Variants in ADAMTSL1 observed in about 807,000 individuals in gnomAD.
The protein encoded by ADAMTSL1 is ADAMTS like 1.
Under a neutral mutation model 201.8 loss-of-function variants are expected in ADAMTSL1, and 126 were observed. The ratio of observed to expected loss-of-function variants is 0.62; its 90% CI spans 0.54 to 0.72. The LOEUF (loss-of-function observed/expected upper bound fraction) is 0.72. Among genes scored for constraint, ADAMTSL1 ranks in the 30% least tolerant of loss-of-function variants. The pLI, the probability that ADAMTSL1 is intolerant of heterozygous loss-of-function variation, is 0.00. For missense variants in ADAMTSL1, 2,679 were observed against 2,277.8 expected, an observed-to-expected ratio of 1.18 and a Z score of -3.59; for synonymous variants, 1,121 against 903.4, an observed-to-expected ratio of 1.24 and a Z score of -4.32.
At chr9:18,027,052 A>G (rs1820727864) in intron 1 of ADAMTSL1, among the ~76,000 whole-genome samples, 2 of 149,202 alleles carry the variant, frequency 1.3e-5, no homozygotes, top group Non-Finnish European at 3.0e-5. Flanking sequence ...ATTGGTTGTG[A>G]TATCACCTTT....
intron 4 of ADAMTSL1, 147 bp downstream of exon 4, chr9:18,574,413 A>G: frequency 1.3e-6 from 1 of 798,834 alleles, no homozygotes; most frequent in Admixed American, 2.1e-5. Flanking sequence ...TTAAGGTATG[A>G]TTTCAGTGAA....
chr9:18,228,075 G>A (rs1482886553), intron 2 of ADAMTSL1, among the ~76,000 whole-genome samples: 2 of 152,142 alleles, frequency 1.3e-5, no homozygotes, highest in Non-Finnish European at 2.9e-5. Flanking sequence ...CAATAGCCAC[G>A]TTCCACCTAA....
intron 16 of ADAMTSL1, among the ~76,000 whole-genome samples, chr9:18,756,076 AATATATATAT>A (rs55717414): frequency 0.081 from 6,487 of 80,374 alleles, 572 homozygotes; most frequent in Non-Finnish European, 0.12. Context: ...CTCTACTGAA[AATATATATAT>A]ATATATATAT....
intron 4 of ADAMTSL1, among the ~76,000 whole-genome samples, chr9:18,585,877 T>C (rs1319945195): frequency 6.6e-6 from 1 of 152,114 alleles, no homozygotes; most frequent in Non-Finnish European, 1.5e-5. Context: ...AAATACTTTT[T>C]ATAAAATTCA....
chr9:18,589,966 C>T (rs1823801465), intron 4 of ADAMTSL1, among the ~76,000 whole-genome samples: 1 of 152,148 alleles, frequency 6.6e-6, no homozygotes, highest in Admixed American at 6.5e-5. Flanking sequence ...ATTCTGTTTG[C>T]TAGTATTTTG....
chr9:18,446,245 A>C (rs1407907599), intron 2 of ADAMTSL1, among the ~76,000 whole-genome samples: 2 of 152,222 alleles, frequency 1.3e-5, no homozygotes, highest in Non-Finnish European at 2.9e-5. Flanking sequence ...GCTTAAGTCT[A>C]AGATGAAAAC....
chr9:18,175,936 C>G (rs1413353288), intron 2 of ADAMTSL1, among the ~76,000 whole-genome samples: 6 of 137,444 alleles, frequency 4.4e-5, no homozygotes, highest in Admixed American at 1.6e-4. Flanking sequence ...TAGTCCAAGT[C>G]TGGGAAAAGA....
At chr9:17,941,592 A>G (rs1282524861) in intron 1 of ADAMTSL1, among the ~76,000 whole-genome samples, 1 of 152,098 alleles carries the variant, frequency 6.6e-6, no homozygotes, top group East Asian at 1.9e-4. Context: ...CCTACTATCA[A>G]ATGTCTGTCA....
intron 2 of ADAMTSL1, among the ~76,000 whole-genome samples, chr9:18,181,929 C>T (rs1344716778): frequency 1.3e-5 from 2 of 152,196 alleles, no homozygotes; most frequent in East Asian, 1.9e-4. Flanking sequence ...AAATGTGGCA[C>T]ATATACACCA....
At chr9:18,373,533 A>G (rs1267052862) in intron 2 of ADAMTSL1, among the ~76,000 whole-genome samples, 1 of 152,034 alleles carries the variant, frequency 6.6e-6, no homozygotes, top group East Asian at 1.9e-4. Context: ...TAGGAGTCAT[A>G]AATTTGCAAA....
intron 1 of ADAMTSL1, among the ~76,000 whole-genome samples, chr9:18,070,777 A>G (rs1430805954): frequency 1.3e-5 from 2 of 152,122 alleles, no homozygotes; most frequent in East Asian, 3.9e-4. Flanking sequence ...AGAGAGGAGG[A>G]TGGGATGGTG....
chr9:18,364,548 A>C (rs754385507), intron 2 of ADAMTSL1, among the ~76,000 whole-genome samples: 2 of 152,210 alleles, frequency 1.3e-5, no homozygotes, highest in Non-Finnish European at 2.9e-5. Context: ...AGCCTTCATG[A>C]GGTCCAATCA....
At chr9:18,427,757 C>T (rs191397020) in intron 2 of ADAMTSL1, among the ~76,000 whole-genome samples, 1 of 152,360 alleles carries the variant, frequency 6.6e-6, no homozygotes, top group African/African-American at 2.4e-5. Flanking sequence ...CTAAACCTTT[C>T]AATTAGCTAA....
intron 1 of ADAMTSL1, among the ~76,000 whole-genome samples, chr9:18,484,043 A>T (rs904701289): frequency 2.0e-5 from 3 of 152,164 alleles, no homozygotes; most frequent in Admixed American, 6.5e-5. Context: ...TTCATATGGG[A>T]TCTTGCATGT....
chr9:18,220,291 G>T (rs1050792884), intron 2 of ADAMTSL1, among the ~76,000 whole-genome samples: 4 of 152,088 alleles, frequency 2.6e-5, no homozygotes, highest in African/African-American at 9.7e-5. Context: ...ATGTTTTTAA[G>T]TACAGGAGGG....
At chr9:18,220,851 T>G (rs1830231552) in intron 2 of ADAMTSL1, among the ~76,000 whole-genome samples, 1 of 152,034 alleles carries the variant, frequency 6.6e-6, no homozygotes, top group Non-Finnish European at 1.5e-5. Context: ...CTAGGCTCAC[T>G]GCAACCTCGG....
intron 2 of ADAMTSL1, among the ~76,000 whole-genome samples, chr9:18,279,138 A>G (rs1480484264): frequency 6.6e-6 from 1 of 152,108 alleles, no homozygotes; most frequent in East Asian, 1.9e-4. Flanking sequence ...TAGGATGTTT[A>G]CAGTTGTCCC....
At chr9:18,316,586 T>C (rs1834403763) in intron 2 of ADAMTSL1, among the ~76,000 whole-genome samples, 1 of 152,142 alleles carries the variant, frequency 6.6e-6, no homozygotes, top group Admixed American at 6.5e-5. Context: ...GAGTTTAAGG[T>C]TATCTCTCTT....
At chr9:18,270,084 C>A (rs1376545766) in intron 2 of ADAMTSL1, among the ~76,000 whole-genome samples, 1 of 152,022 alleles carries the variant, frequency 6.6e-6, no homozygotes, top group African/African-American at 2.4e-5. Context: ...GATTGGGGAG[C>A]TTCTAAATAA....
Sources: gnomAD v4.1 joint callset for allele counts (sites outside exome capture counted in the v4.1 genomes callset) on GRCh38, gnomAD v4.1.1 for gene constraint, MANE v1.5 for transcripts, NCBI Gene and HGNC (gene_info 2026-07-23, HGNC 2026-07-21) for gene names.